EIF4E3: variants seen among roughly 807,000 people sequenced by gnomAD.
EIF4E3 encodes the protein eukaryotic translation initiation factor 4E family member 3.
In EIF4E3, 26 loss-of-function variants were observed where a neutral mutation model predicts 31.7. The ratio of observed to expected loss-of-function variants is 0.82; its 90% CI spans 0.60 to 1.14. The LOEUF (loss-of-function observed/expected upper bound fraction) is 1.14, where lower values mean the gene tolerates loss of function less well. Among genes scored for constraint, EIF4E3 ranks in the 50% most tolerant of loss-of-function variants. EIF4E3 has a pLI of 0.00. For synonymous variants in EIF4E3, 128 were observed against 107.7 expected (o/e 1.19, Z -1.17); for missense variants, 304 against 270.9 (o/e 1.12, Z -0.86).
At chr3:71,694,413 G>A (rs940177910) in intron 4 of EIF4E3, among the ~76,000 whole-genome samples, 1 of 152,188 alleles carries the variant, frequency 6.6e-6, no homozygotes, top group Non-Finnish European at 1.5e-5. Context: ...GACATTTCTT[G>A]TTTATTTAAT....
chr3:71,752,587 C>T (rs531962646), intron 1 of EIF4E3, among the ~76,000 whole-genome samples: 59 of 152,304 alleles, frequency 3.9e-4, no homozygotes, highest in African/African-American at 1.4e-3. Context: ...AGAAACAATG[C>T]GTTGCTTAAT....
At chr3:71,738,861 T>C (rs577494165) in intron 1 of EIF4E3, among the ~76,000 whole-genome samples, 2 of 151,038 alleles carry the variant, frequency 1.3e-5, no homozygotes, top group South Asian at 2.1e-4. Context: ...CAAGAGTTCA[T>C]GGAATATTCA....
chr3:71,730,704 CTTCTTTTT>C (rs777686459), intron 1 of EIF4E3, among the ~76,000 whole-genome samples: 11 of 151,792 alleles, frequency 7.2e-5, no homozygotes, highest in Non-Finnish European at 1.3e-4. Flanking sequence ...GTTGGTCTTC[CTTCTTTTT>C]TTCTTTTTCT....
At position 71,675,569 on chromosome 3, in the gene EIF4E3, T is replaced by TA. The variant is rs1298190823; in HGVS notation, c.*9112dup. ...AAACATGCATTTTTTCCACATAATA[T>TA]ATGGAATGAAGAAAAGATCATTGAT... On this transcript the variant is annotated 3_prime_UTR_variant, in exon 7 of 7. Coordinates refer to ENST00000425534, the MANE Select transcript of EIF4E3 (RefSeq NM_001134651.2). The TA allele has an allele frequency of 1.3e-5, 2 of 152,298 alleles. No individual in the cohort carries two copies. Among genetic ancestry groups the TA allele is most frequent in the East Asian group, 3.9e-4 (2 of 5,184 alleles). 9.4% of individuals were successfully genotyped at this position (152,298 alleles called of 1,614,324 possible). A position where few individuals can be genotyped will look rare whatever the true frequency, so the allele number is the denominator to read the frequency against.
At chr3:71,747,169 G>A (rs1211951512) in intron 1 of EIF4E3, among the ~76,000 whole-genome samples, 2 of 152,268 alleles carry the variant, frequency 1.3e-5, no homozygotes, top group East Asian at 1.9e-4. Flanking sequence ...TAGGTCATAA[G>A]GTAACTCTAT....
At chr3:71,670,086 G>A in the EIF4E3 span, among the ~76,000 whole-genome samples, 1 of 152,218 alleles carries the variant, frequency 6.6e-6, no homozygotes, top group Non-Finnish European at 1.5e-5. Context: ...TTGTCTATCA[G>A]CGGGACTAGT....
At position 71,710,475 on chromosome 3, in the gene EIF4E3, A is replaced by G; in HGVS notation, c.186T>C (p.Pro62=). Residue 62 remains proline, a synonymous_variant, in exon 2 of 7, where the codon CCT becomes CCC. Coordinates refer to ENST00000425534, the MANE Select transcript of EIF4E3 (RefSeq NM_001134651.2). ...ATGCGCACTCAGCTGCTGTGGCACC[A>G]GGGAGGGATCTAGGCAAGCAGGAGC... ...SWTFWLDRSL[P]GATAAECASN... 1 of 1,552,174 alleles carries G rather than the reference A, an allele frequency of 6.4e-7. No individual in the cohort carries two copies. Among genetic ancestry groups the G allele is most frequent in the Non-Finnish European group, 8.7e-7 (1 of 1,147,116 alleles).
rs923078298 is a variant in EIF4E3 at position 71,681,945 on chromosome 3, A to G, written c.*2737T>C. 6.6e-6 allele frequency: 1 copy of G among 152,184 alleles called. No homozygotes were observed. The highest frequency in any genetic ancestry group is 2.4e-5 in the African/African-American group (1 of 41,428). The allele number at this position is 152,184 out of a possible 1,614,324, so 9.4% of individuals were successfully genotyped here. ...GTACCACGAATCTAACAGCAATATT[A>G]TATTAAATGTACATGTTTGCAGTAA... On this transcript the variant is annotated 3_prime_UTR_variant, in exon 7 of 7. Transcript: ENST00000425534.
upstream of EIF4E3, among the ~76,000 whole-genome samples, chr3:71,726,512 T>C (rs887190369): frequency 6.6e-6 from 1 of 152,244 alleles, no homozygotes; most frequent in Non-Finnish European, 1.5e-5. Flanking sequence ...AATTTCTAGA[T>C]AGTTCCTCTC....
At chr3:71,722,380 TGGTG>T (rs1293308046) in intron 1 of EIF4E3, among the ~76,000 whole-genome samples, 1 of 152,202 alleles carries the variant, frequency 6.6e-6, no homozygotes, top group Non-Finnish European at 1.5e-5. Flanking sequence ...ATGAGATCCC[TGGTG>T]TAAATGGCAC....
Position 71,690,101 on chromosome 3 carries a change from A to T in EIF4E3, c.537T>A (p.Asn179Lys). The T allele has an allele frequency of 6.2e-7, 1 of 1,614,016 alleles. No individual in the cohort carries two copies. The highest frequency in any genetic ancestry group is 1.1e-5 in the South Asian group (1 of 91,070). The change falls in exon 6 of 7, where the codon AAT becomes AAA. Residue 179 changes from asparagine to lysine, a missense_variant. Coordinates refer to ENST00000425534, the MANE Select transcript of EIF4E3 (RefSeq NM_001134651.2). ...CTTCACCCACTAAAGAGGCATTTAC[A>T]TTCCAGACTTGGACGACGTCTTCTC... is the stretch of plus-strand genomic sequence containing the variant. ...RDREDVVQVW[N>K]VNASLVGEAT...
intron 1 of EIF4E3, among the ~76,000 whole-genome samples, chr3:71,745,837 G>A (rs1420702653): frequency 1.3e-5 from 2 of 152,054 alleles, no homozygotes; most frequent in Non-Finnish European, 2.9e-5. Flanking sequence ...TTTTAAGAAG[G>A]CCTTTTTTTC....
intron 1 of EIF4E3, among the ~76,000 whole-genome samples, chr3:71,750,826 C>T (rs1266251810): frequency 2.6e-5 from 4 of 150,964 alleles, no homozygotes; most frequent in African/African-American, 4.9e-5. Context: ...TGCAGTGACA[C>T]GATTTCGGCT....
At chr3:71,722,887 T>C (rs1295804536) in intron 1 of EIF4E3, among the ~76,000 whole-genome samples, 1 of 152,162 alleles carries the variant, frequency 6.6e-6, no homozygotes, top group Admixed American at 6.5e-5. Flanking sequence ...GTGTTGTACA[T>C]CATGTCTCTC....
At chr3:71,744,788 GCTA>G (rs1236779104) in intron 1 of EIF4E3, among the ~76,000 whole-genome samples, 6 of 152,228 alleles carry the variant, frequency 3.9e-5, no homozygotes, top group Non-Finnish European at 7.3e-5. Flanking sequence ...TTCTCAGGAA[GCTA>G]CTGATATATG....
In EIF4E3 at chr3:71,681,037, C is replaced by T. The variant is rs2048916282; in HGVS notation, c.*3645G>A. 1.3e-5 allele frequency: 2 copies of T among 152,146 alleles called. No individual in the cohort carries two copies. Among genetic ancestry groups the T allele is most frequent in the Non-Finnish European group, 2.9e-5 (2 of 68,036 alleles). The allele number at this position is 152,146 out of a possible 1,614,324, so 9.4% of individuals were successfully genotyped here. On this transcript the variant is annotated 3_prime_UTR_variant, in exon 7 of 7. Coordinates refer to ENST00000425534, the MANE Select transcript of EIF4E3 (RefSeq NM_001134651.2). ...ATATTTGATGAAATATTTTCCATAT[C>T]TCCTATATGTGAGTTTATTTTATTC...
intron 1 of EIF4E3, among the ~76,000 whole-genome samples, chr3:71,739,183 C>T (rs1242166203): frequency 6.6e-6 from 1 of 150,608 alleles, no homozygotes; most frequent in African/African-American, 2.4e-5. Context: ...GCCTAAATTC[C>T]TACATTAAGA....
intron 1 of EIF4E3, among the ~76,000 whole-genome samples, chr3:71,734,056 T>C (rs1017421127): frequency 1.3e-5 from 2 of 152,228 alleles, no homozygotes; most frequent in African/African-American, 4.8e-5. Context: ...AAAGATCCTG[T>C]TAATTTTTCA....
chr3:71,718,429 A>G (rs2049497728), intron 1 of EIF4E3, among the ~76,000 whole-genome samples: 1 of 152,166 alleles, frequency 6.6e-6, no homozygotes, highest in Non-Finnish European at 1.5e-5. Context: ...CTGCCTTCCT[A>G]TGGTCATTCC....
Sources: gnomAD v4.1 joint callset for allele counts (sites outside exome capture counted in the v4.1 genomes callset) on GRCh38, gnomAD v4.1.1 for gene constraint, MANE v1.5 for transcripts, NCBI Gene and HGNC (gene_info 2026-07-23, HGNC 2026-07-21) for gene names.